Variants in FAF1 observed in about 807,000 individuals in gnomAD.
The protein encoded by FAF1 is Fas associated factor 1.
A neutral mutation model predicts 92.5 loss-of-function variants in FAF1; 25 were observed. The ratio of observed to expected loss-of-function variants is 0.27; its 90% CI spans 0.20 to 0.38. The LOEUF (loss-of-function observed/expected upper bound fraction) is 0.38, where lower values mean the gene tolerates loss of function less well. Ranked by LOEUF, FAF1 falls within the 10% of genes least tolerant of loss-of-function variation. The pLI, the probability that FAF1 is intolerant of heterozygous loss-of-function variation, is 1.00. For missense variants in FAF1, 636 were observed against 793.3 expected (o/e 0.80, Z 2.38); for synonymous variants, 234 against 273.2 (o/e 0.86, Z 1.42).
chr1:50,490,540 C>CGAATACAGTGG (rs1646826548), intron 17 of FAF1, 48 bp downstream of exon 17: 2 of 577,126 alleles, frequency 3.5e-6, no homozygotes, highest in Admixed American at 3.2e-5. Context: ...GCTTCAGTAT[C>CGAATACAGTGG]AAATACAACC....
intron 13 of FAF1, among the ~76,000 whole-genome samples, chr1:50,541,862 C>T (rs1648773892): frequency 6.6e-6 from 1 of 151,936 alleles, no homozygotes; most frequent in South Asian, 2.1e-4. Flanking sequence ...GTGTACTTCC[C>T]ATATTCTTTT....
rs1004236654 is a variant in FAF1 at position 50,491,715 on chromosome 1, G to A, written c.1575+6C>T. On this transcript the variant is annotated splice_donor_region_variant and intron_variant, in intron 16 of 18. Transcript: ENST00000396153. ...CTTTATCCCAGAAGTACTTGACCAA[G>A]CCTACCTTTGCTCTGTCAGCCTCAA... 2 of 1,601,528 alleles carry A rather than the reference G, an allele frequency of 1.2e-6. No individual in the cohort carries two copies. Among genetic ancestry groups the A allele is most frequent in the African/African-American group, 2.7e-5 (2 of 74,390 alleles).
chr1:50,732,779 C>A (rs1658981430), intron 6 of FAF1, among the ~76,000 whole-genome samples: 1 of 151,612 alleles, frequency 6.6e-6, no homozygotes, highest in Admixed American at 6.6e-5. Flanking sequence ...TTTCTGTTTT[C>A]TATTATACTT....
In FAF1 at chr1:50,463,836, C is replaced by A. The variant is rs75839338; in HGVS notation, c.1869+11628G>T. Reference sequence around the variant, plus strand: ...CACCTCTTGGAAGGCTCAGGCCCAACTGTTCTTAAAACTAGGCAGAAAATT... The same window carrying A: ...CACCTCTTGGAAGGCTCAGGCCCAAATGTTCTTAAAACTAGGCAGAAAATT... On this transcript the variant is annotated intron_variant, in intron 18 of 18. Transcript: ENST00000396153. Among the ~76,000 whole-genome samples the A allele has an allele frequency of 5.4e-3, 825 of 152,358 alleles. 6 individuals are homozygous for A. Among genetic ancestry groups the A allele is most frequent in the Non-Finnish European group, 8.0e-3 (542 of 68,036 alleles).
intron 18 of FAF1, among the ~76,000 whole-genome samples, chr1:50,447,367 C>T (rs1368617695): frequency 3.3e-5 from 5 of 152,014 alleles, no homozygotes; most frequent in Admixed American, 1.3e-4. Flanking sequence ...CCTAGTGATC[C>T]GCCCGCCTCG....
intron 8 of FAF1, among the ~76,000 whole-genome samples, chr1:50,599,042 G>C (rs1205504346): frequency 6.6e-6 from 1 of 152,048 alleles, no homozygotes; most frequent in African/African-American, 2.4e-5. Context: ...GATTCTTTCA[G>C]TAGTTCCATA....
At chr1:50,863,626 G>GA (rs1644454093) in intron 1 of FAF1, among the ~76,000 whole-genome samples, 1 of 152,050 alleles carries the variant, frequency 6.6e-6, no homozygotes, top group Admixed American at 6.6e-5. Context: ...GAGGATTCTT[G>GA]AATCAATGTT....
chr1:50,628,827 C>G (rs1377202479), intron 8 of FAF1, among the ~76,000 whole-genome samples: 1 of 152,210 alleles, frequency 6.6e-6, no homozygotes, highest in Middle Eastern at 3.2e-3. Flanking sequence ...CTAAAGAACA[C>G]AGATGACAGG....
chr1:50,514,816 T>C (rs553663083), intron 15 of FAF1, among the ~76,000 whole-genome samples: 1 of 152,312 alleles, frequency 6.6e-6, no homozygotes, highest in East Asian at 1.9e-4. Flanking sequence ...GTGTCTGCTT[T>C]AGATGAAACT....
At chr1:50,579,828 T>C (rs150172412) in intron 12 of FAF1, among the ~76,000 whole-genome samples, 4 of 152,222 alleles carry the variant, frequency 2.6e-5, no homozygotes, top group African/African-American at 9.6e-5. Flanking sequence ...AAATATAACT[T>C]GTGATCCTTG....
At chr1:50,581,540 G>A (rs1219871870) in intron 12 of FAF1, among the ~76,000 whole-genome samples, 8 of 152,104 alleles carry the variant, frequency 5.3e-5, no homozygotes, top group Non-Finnish European at 1.2e-4. Context: ...ATAAAGGATA[G>A]TCCCTGCCAA....
At chr1:50,586,332 CAG>C (rs1462273842) in intron 9 of FAF1, among the ~76,000 whole-genome samples, 4 of 152,040 alleles carry the variant, frequency 2.6e-5, no homozygotes, top group African/African-American at 9.7e-5. Flanking sequence ...GGGGTATAGC[CAG>C]AGGATCTCAG....
chr1:50,743,657 G>C (rs953349531), intron 5 of FAF1, among the ~76,000 whole-genome samples: 18 of 152,020 alleles, frequency 1.2e-4, no homozygotes, highest in Non-Finnish European at 2.4e-4. Context: ...TTTATGCCTG[G>C]CCATTAAAAT....
At chr1:50,733,357 T>C (rs757168321) in intron 6 of FAF1, among the ~76,000 whole-genome samples, 36 of 152,344 alleles carry the variant, frequency 2.4e-4, no homozygotes, top group Non-Finnish European at 4.6e-4. Context: ...TTATTACACC[T>C]TTCCTACTGT....
chr1:50,901,364 T>G (rs1258748123), intron 1 of FAF1, among the ~76,000 whole-genome samples: 1 of 152,102 alleles, frequency 6.6e-6, no homozygotes, highest in Non-Finnish European at 1.5e-5. Context: ...TAAATAATAC[T>G]TCAGCTTCCC....
intron 6 of FAF1, among the ~76,000 whole-genome samples, chr1:50,717,999 ATTTATTTATTTAT>A (rs2124448287): frequency 7.1e-6 from 1 of 141,822 alleles, no homozygotes; most frequent in East Asian, 2.0e-4. Flanking sequence ...TTATTTATTT[ATTTATTTATTTAT>A]TTATTTATTT....
intron 15 of FAF1, among the ~76,000 whole-genome samples, chr1:50,513,028 A>C (rs886459504): frequency 6.6e-6 from 1 of 152,190 alleles, no homozygotes; most frequent in East Asian, 1.9e-4. Flanking sequence ...GAGGGCCCAG[A>C]GCAAGCCTCT....
chr1:50,834,820 T>C (rs1263637242), intron 2 of FAF1, among the ~76,000 whole-genome samples: 1 of 152,132 alleles, frequency 6.6e-6, no homozygotes, highest in African/African-American at 2.4e-5. Flanking sequence ...TTCACAGTAT[T>C]ACAGCAAAAG....
intron 7 of FAF1, among the ~76,000 whole-genome samples, chr1:50,664,573 G>C (rs928575770): frequency 2.0e-5 from 3 of 151,888 alleles, no homozygotes; most frequent in Admixed American, 2.0e-4. Flanking sequence ...GGTGGATCAC[G>C]AGGTCAGCAG....
Sources: gnomAD v4.1 joint callset for allele counts (sites outside exome capture counted in the v4.1 genomes callset) on GRCh38, gnomAD v4.1.1 for gene constraint, MANE v1.5 for transcripts, NCBI Gene and HGNC (gene_info 2026-07-23, HGNC 2026-07-21) for gene names.